Variants in HIKESHI observed in about 807,000 individuals in gnomAD.
The protein encoded by HIKESHI is protein Hikeshi.
Under a neutral mutation model 25.7 loss-of-function variants are expected in HIKESHI, and 13 were observed. That is an observed-to-expected ratio of 0.51 (90% CI 0.33 to 0.80). The LOEUF is 0.80. HIKESHI is among the 30% of genes least tolerant of loss of function. The pLI is 0.02. For missense variants in HIKESHI, 174 were observed against 229.5 expected, an observed-to-expected ratio of 0.76 and a Z score of 1.56; for synonymous variants, 76 against 78.7, an observed-to-expected ratio of 0.97 and a Z score of 0.18.
intron 4 of HIKESHI, 65 bp from the exon 5 acceptor site, chr11:86,345,519 G>C: frequency 1.1e-6 from 1 of 873,832 alleles, no homozygotes; most frequent in East Asian, 2.6e-5. Flanking sequence ...AAGTCATTTG[G>C]CAGTTAATGA....
intron 3 of HIKESHI, among the ~76,000 whole-genome samples, chr11:86,342,092 T>C (rs976963014): frequency 6.6e-6 from 1 of 152,218 alleles, no homozygotes; most frequent in Non-Finnish European, 1.5e-5. Context: ...TCATACTTAG[T>C]TTGTGTTTCT....
At chr11:86,340,150 TTG>T (rs1947686568) in intron 3 of HIKESHI, among the ~76,000 whole-genome samples, 1 of 152,204 alleles carries the variant, frequency 6.6e-6, no homozygotes, top group Non-Finnish European at 1.5e-5. Context: ...CAGTCTATCA[TTG>T]GTGGACATTT....
intron 2 of HIKESHI, among the ~76,000 whole-genome samples, chr11:86,310,961 T>G (rs1404628884): frequency 6.6e-6 from 1 of 152,218 alleles, no homozygotes; most frequent in Non-Finnish European, 1.5e-5. Flanking sequence ...GGATTCGGTT[T>G]GCCAGTATTT....
chr11:86,332,572 A>G (rs906466196), intron 2 of HIKESHI, among the ~76,000 whole-genome samples: 2 of 152,208 alleles, frequency 1.3e-5, no homozygotes, highest in Admixed American at 6.5e-5. Flanking sequence ...TACTTTACCT[A>G]TATATTGAAG....
chr11:86,302,301 C>A lies in HIKESHI; in HGVS notation c.-148C>A, dbSNP rs1319618071. ...CAGAGTTCGCGGGGGCAGAGGCATT[C>A]TTGCCGCTGGCCCAGTCACTATGTA... On this transcript the variant is annotated 5_prime_UTR_variant, in exon 1 of 5. Coordinates refer to ENST00000278483, the MANE Select transcript of HIKESHI (RefSeq NM_016401.4). 4.3e-6 allele frequency: 4 copies of A among 934,530 alleles called. No homozygotes were observed. The highest frequency in any genetic ancestry group is 2.7e-5 in the East Asian group (1 of 37,106). 57.9% of individuals were successfully genotyped at this position (934,530 alleles called of 1,614,324 possible). A position where few individuals can be genotyped will look rare whatever the true frequency, so the allele number is the denominator to read the frequency against.
intron 2 of HIKESHI, among the ~76,000 whole-genome samples, chr11:86,329,555 A>T (rs958640926): frequency 1.4e-5 from 2 of 142,928 alleles, no homozygotes; most frequent in Non-Finnish European, 3.0e-5. Flanking sequence ...TTTCTTTTCA[A>T]TTTTTATGCC....
intron 4 of HIKESHI, 73 bp downstream of exon 4, chr11:86,344,794 C>T: frequency 9.9e-7 from 1 of 1,014,250 alleles, no homozygotes; most frequent in South Asian, 1.4e-5. Context: ...TGAATATATT[C>T]CTTTTTTGAC....
At position 86,345,484 on chromosome 11, in the gene HIKESHI, A is replaced by G. The variant is rs550790064; in HGVS notation, c.540-100A>G. 20 of 680,224 alleles carry G rather than the reference A, an allele frequency of 2.9e-5. No individual in the cohort carries two copies. In the African/African-American group the frequency reaches 3.8e-4, roughly 13 times the overall value. 42.1% of individuals were successfully genotyped at this position (680,224 alleles called of 1,614,324 possible). On this transcript the variant is annotated intron_variant, in intron 4 of 4. Transcript: ENST00000278483. The stretch of plus-strand genomic sequence containing the variant: ...TTTAGATTTTTTATAGCTTTTTAGA[A>G]ATGACATGTAAAATTGTTTTGGATA...
intron 2 of HIKESHI, among the ~76,000 whole-genome samples, chr11:86,325,971 G>A (rs1847788369): frequency 6.6e-6 from 1 of 152,046 alleles, no homozygotes; most frequent in African/African-American, 2.4e-5. Flanking sequence ...TTCAGATGCT[G>A]GTTTTAGTCT....
In HIKESHI at chr11:86,345,698, T is replaced by C; in HGVS notation, c.*60T>C. On this transcript the variant is annotated 3_prime_UTR_variant, in exon 5 of 5. Transcript: ENST00000278483. The stretch of plus-strand genomic sequence containing the variant: ...TTGTCATGTTTTGAAGATAACTGAC[T>C]CCATCTAAAAGTATGAGGTCAAAGG... The C allele has an allele frequency of 9.2e-7, 1 of 1,086,518 alleles. No homozygotes were observed. The highest frequency in any genetic ancestry group is 1.6e-5 in the African/African-American group (1 of 62,484). The allele number at this position is 1,086,518 out of a possible 1,614,324, so 67.3% of individuals were successfully genotyped here.
chr11:86,302,520 C>T, intron 1 of HIKESHI, 42 bp downstream of exon 1: 1 of 1,546,758 alleles, frequency 6.5e-7, no homozygotes, highest in Non-Finnish European at 8.8e-7. Context: ...GGTCAGGATA[C>T]CGAGGGCGAA....
chr11:86,345,568 G>C lies in HIKESHI; in HGVS notation c.540-16G>C. 6.9e-7 allele frequency: 1 copy of C among 1,455,792 alleles called. No homozygotes were observed. Among genetic ancestry groups the C allele is most frequent in the Non-Finnish European group, 9.5e-7 (1 of 1,053,980 alleles). 90.2% of individuals were successfully genotyped at this position (1,455,792 alleles called of 1,614,324 possible). ...AATTTTCTTGTGAATGTAAATATAT[G>C]TGTTTTCTTTTCTAGGTATGAAAAC... On this transcript the variant is annotated splice_polypyrimidine_tract_variant and intron_variant, in intron 4 of 4. Coordinates refer to ENST00000278483, the MANE Select transcript of HIKESHI (RefSeq NM_016401.4).
Position 86,316,099 on chromosome 11 carries a change from G to A in HIKESHI, c.268+9617G>A, listed in dbSNP as rs540350750. ...GTCCAAGACCAGATTGGGCAACATAGCAAGACTGTCTCCATTAAAAAAAAA... is the reference window on the plus strand; with the variant it reads ...GTCCAAGACCAGATTGGGCAACATAACAAGACTGTCTCCATTAAAAAAAAA... On this transcript the variant is annotated intron_variant, in intron 2 of 4. Coordinates refer to ENST00000278483, the MANE Select transcript of HIKESHI (RefSeq NM_016401.4). Among the ~76,000 whole-genome samples, 59 of 114,692 alleles carry A rather than the reference G, an allele frequency of 5.1e-4. 1 individual carries two copies. The South Asian group carries it at 0.017, about 33-fold the overall frequency. 75.2% of individuals were successfully genotyped at this position (114,692 alleles called of 152,430 possible). A position where few individuals can be genotyped will look rare whatever the true frequency, so the allele number is the denominator to read the frequency against.
chr11:86,309,996 G>A (rs1404552600), intron 2 of HIKESHI, among the ~76,000 whole-genome samples: 2 of 150,564 alleles, frequency 1.3e-5, no homozygotes, highest in Non-Finnish European at 3.0e-5. Context: ...AAGTCAGGTA[G>A]CGTGATGTCT....
chr11:86,333,346 G>A (rs1392733805), intron 2 of HIKESHI, among the ~76,000 whole-genome samples: 1 of 152,040 alleles, frequency 6.6e-6, no homozygotes, highest in East Asian at 1.9e-4. Context: ...GATTGGCCTG[G>A]CCAACATGGT....
chr11:86,329,333 C>CT (rs1947363439), intron 2 of HIKESHI, among the ~76,000 whole-genome samples: 2 of 151,868 alleles, frequency 1.3e-5, no homozygotes, highest in Non-Finnish European at 2.9e-5. Flanking sequence ...GGCATTTTGG[C>CT]TTTTTTTCTA....
chr11:86,314,266 C>T (rs975366899), intron 2 of HIKESHI, among the ~76,000 whole-genome samples: 2 of 152,104 alleles, frequency 1.3e-5, no homozygotes, highest in African/African-American at 4.8e-5. Context: ...TGGGACAGTT[C>T]TACCTCCTCA....
At chr11:86,340,653 A>G (rs1356609519) in intron 3 of HIKESHI, among the ~76,000 whole-genome samples, 1 of 151,894 alleles carries the variant, frequency 6.6e-6, no homozygotes, top group Non-Finnish European at 1.5e-5. Flanking sequence ...TATTAGTCAA[A>G]TAGTTTTTTT....
chr11:86,331,326 T>C (rs1947418786), intron 2 of HIKESHI, among the ~76,000 whole-genome samples: 1 of 152,040 alleles, frequency 6.6e-6, no homozygotes, highest in African/African-American at 2.4e-5. Context: ...CCATGTCTAC[T>C]AAAAATACAA....
Sources: gnomAD v4.1 joint callset for allele counts (sites outside exome capture counted in the v4.1 genomes callset) on GRCh38, gnomAD v4.1.1 for gene constraint, MANE v1.5 for transcripts, NCBI Gene and HGNC (gene_info 2026-07-23, HGNC 2026-07-21) for gene names.